Variants in TENM3 observed in about 807,000 individuals in gnomAD.
TENM3 encodes teneurin-3.
In TENM3, 63 loss-of-function variants were observed where a neutral mutation model predicts 255.1. That is an observed-to-expected ratio of 0.25 (90% CI 0.20 to 0.30). The LOEUF is 0.30. Ranked by LOEUF, TENM3 falls within the 10% of genes least tolerant of loss-of-function variation. The pLI is 1.00. For synonymous variants in TENM3, 1,306 were observed against 1,322.3 expected (o/e 0.99, Z 0.27); for missense variants, 2,929 against 3,461.1 (o/e 0.85, Z 3.86).
chr4:182,001,350 G>T, the TENM3 span, among the ~76,000 whole-genome samples: 5 of 152,072 alleles, frequency 3.3e-5, no homozygotes, highest in African/African-American at 1.2e-4. Flanking sequence ...ATAAAAAGAA[G>T]TGGTCTCTGT....
the TENM3 span, among the ~76,000 whole-genome samples, chr4:181,620,504 A>G: frequency 6.6e-6 from 1 of 152,018 alleles, no homozygotes. Context: ...TCCACATAGA[A>G]GTGGACCCAC....
chr4:182,022,278 T>C, the TENM3 span, among the ~76,000 whole-genome samples: 3 of 152,212 alleles, frequency 2.0e-5, no homozygotes, highest in African/African-American at 4.8e-5. Flanking sequence ...AGGCCATTAT[T>C]CTAAGTGGAC....
chr4:182,077,266 TC>T, the TENM3 span, among the ~76,000 whole-genome samples: 1 of 151,972 alleles, frequency 6.6e-6, no homozygotes, highest in Non-Finnish European at 1.5e-5. Flanking sequence ...TTTCTCCACT[TC>T]AAATAAATTA....
At chr4:182,735,680 C>T (rs371968513) in intron 16 of TENM3, among the ~76,000 whole-genome samples, 6 of 152,154 alleles carry the variant, frequency 3.9e-5, no homozygotes, top group Admixed American at 2.0e-4. Context: ...TCCTGGTGCA[C>T]GTTCTTGAAC....
chr4:182,789,706 G>A lies in TENM3; in HGVS notation c.5601+317G>A, dbSNP rs573523020. On this transcript the variant is annotated intron_variant, in intron 25 of 27. Transcript: ENST00000511685. This position sits in a 1 kb window ranked among gnomAD's most constrained non-coding sequence, Gnocchi z 4.4. ...AAATTAGACCTTGAGCGTGTAAGTC[G>A]CTTGTAAATAATTTTCGTGCTAGCT... 4.6e-5 allele frequency among the ~76,000 whole-genome samples: 7 copies of A among 152,262 alleles called. No homozygotes were observed. The East Asian group carries it at 9.6e-4, about 21-fold the overall frequency.
chr4:181,674,109 C>T, the TENM3 span, among the ~76,000 whole-genome samples: 16,800 of 152,156 alleles, frequency 0.11, 1,231 homozygotes, highest in South Asian at 0.17. Flanking sequence ...CATCATCTCA[C>T]CTCAGCCTCC....
chr4:182,373,020 G>A (rs1278168329), intron 3 of TENM3, among the ~76,000 whole-genome samples: 6 of 152,016 alleles, frequency 3.9e-5, no homozygotes, highest in Admixed American at 2.6e-4. Context: ...GATTACAGGC[G>A]TGAGCCACCA....
At chr4:182,623,846 C>T (rs1581137304) in intron 4 of TENM3, among the ~76,000 whole-genome samples, 2 of 152,322 alleles carry the variant, frequency 1.3e-5, no homozygotes, top group Middle Eastern at 6.8e-3. Context: ...GAGACCCCTG[C>T]TTGTCCAGTG....
chr4:181,710,709 A>C, the TENM3 span, among the ~76,000 whole-genome samples: 2 of 152,032 alleles, frequency 1.3e-5, no homozygotes, highest in African/African-American at 4.8e-5. Flanking sequence ...CAACAGAGTG[A>C]GACTCCATCT....
At chr4:182,519,358 G>A (rs1021823401) in intron 3 of TENM3, among the ~76,000 whole-genome samples, 1 of 152,128 alleles carries the variant, frequency 6.6e-6, no homozygotes, top group Non-Finnish European at 1.5e-5. Context: ...GTTGGAAAGA[G>A]AAGAATTTGA....
chr4:181,936,420 G>T, the TENM3 span, among the ~76,000 whole-genome samples: 2 of 152,174 alleles, frequency 1.3e-5, no homozygotes, highest in South Asian at 4.2e-4. Context: ...ATGTGAGAGT[G>T]GCTGATAGGT....
At chr4:182,080,426 G>C in the TENM3 span, among the ~76,000 whole-genome samples, 7 of 151,946 alleles carry the variant, frequency 4.6e-5, no homozygotes, top group African/African-American at 1.7e-4. Context: ...TTTAAAACAG[G>C]TGTAGAAAGG....
chr4:181,564,366 A>G, the TENM3 span, among the ~76,000 whole-genome samples: 25 of 152,140 alleles, frequency 1.6e-4, no homozygotes, highest in African/African-American at 5.6e-4. Context: ...TGCCTATTTA[A>G]GGAATGAGGA....
At position 182,685,081 on chromosome 4, in the gene TENM3, T is replaced by C. The variant is rs1756471693; in HGVS notation, c.2035+3067T>C. Among the ~76,000 whole-genome samples the C allele has an allele frequency of 2.0e-5, 3 of 152,146 alleles. No homozygotes were observed. The South Asian group carries it at 6.2e-4, about 32-fold the overall frequency. On this transcript the variant is annotated intron_variant, in intron 11 of 27. Transcript: ENST00000511685. ...AACAAATGTTTCCTATCAGCTAATG[T>C]ATAATATTGATGAAAATTTTCTGTT...
chr4:182,713,746 T>G (rs983879719), intron 12 of TENM3, among the ~76,000 whole-genome samples: 1 of 152,202 alleles, frequency 6.6e-6, no homozygotes, highest in African/African-American at 2.4e-5. Context: ...CTGAAATTAT[T>G]TTGTTGAGAT....
the TENM3 span, among the ~76,000 whole-genome samples, chr4:181,655,662 C>T: frequency 6.6e-6 from 1 of 152,162 alleles, no homozygotes; most frequent in South Asian, 2.1e-4. Flanking sequence ...CTGAGGACTT[C>T]CCAGGGGCGG....
At chr4:182,571,993 C>G (rs1744427570) in intron 3 of TENM3, among the ~76,000 whole-genome samples, 1 of 152,124 alleles carries the variant, frequency 6.6e-6, no homozygotes, top group Non-Finnish European at 1.5e-5. Flanking sequence ...CCTCTGCCTC[C>G]TGGGTTCAAG....
chr4:181,898,378 C>T, the TENM3 span, among the ~76,000 whole-genome samples: 2 of 152,084 alleles, frequency 1.3e-5, no homozygotes, highest in South Asian at 4.1e-4. Flanking sequence ...TACATTTTTA[C>T]TCGTCTCTTC....
At chr4:182,012,440 C>A in the TENM3 span, among the ~76,000 whole-genome samples, 1 of 152,144 alleles carries the variant, frequency 6.6e-6, no homozygotes, top group African/African-American at 2.4e-5. Context: ...TACTAGAAGA[C>A]CACGCATTCT....
Sources: allele counts gnomAD v4.1 joint callset (sites outside exome capture counted in the v4.1 genomes callset), GRCh38; gene constraint gnomAD v4.1.1; non-coding constraint Gnocchi (gnomAD v3.1); transcripts MANE v1.5; gene names NCBI Gene and HGNC (gene_info 2026-07-23, HGNC 2026-07-21).